The following ACOXL variants were observed in gnomAD, a reference collection of about 807,000 sequenced individuals.
ACOXL encodes the protein acyl-coenzyme A oxidase-like protein.
ACOXL carries 70 observed loss-of-function variants against 71.9 expected under a neutral mutation model. The observed-to-expected ratio is 0.97, with a 90% CI of 0.80 to 1.19. The LOEUF is 1.19. Among genes scored for constraint, ACOXL ranks in the 50% most tolerant of loss-of-function variants. The pLI is 0.00. For missense variants in ACOXL, 703 were observed against 736.3 expected (o/e 0.95, Z 0.52); for synonymous variants, 253 against 281.6 (o/e 0.90, Z 1.02).
At chr2:110,836,770 C>G (rs1046598115) in intron 9 of ACOXL, among the ~76,000 whole-genome samples, 1 of 152,204 alleles carries the variant, frequency 6.6e-6, no homozygotes, top group Non-Finnish European at 1.5e-5. Context: ...AAGCTTCCCA[C>G]AAGTATGGGA....
rs1477698915 is a variant in ACOXL, at chr2:110,846,589, C to T, written c.788+5184C>T. Among the ~76,000 whole-genome samples the T allele has an allele frequency of 3.4e-5, 5 of 149,080 alleles. No individual in the cohort carries two copies. In the East Asian group the frequency reaches 6.1e-4, roughly 18 times the overall value. ...AGCTCTCCTTTATTCAAATGAACAG[C>T]GTTCAGGGTGAGACCATCCTCCCGC... On this transcript the variant is annotated intron_variant, in intron 10 of 17. Transcript: ENST00000439055.
intron 16 of ACOXL, among the ~76,000 whole-genome samples, chr2:111,066,279 A>G (rs1050370240): frequency 6.6e-6 from 1 of 152,240 alleles, no homozygotes; most frequent in Non-Finnish European, 1.5e-5. Flanking sequence ...AAAAAATACC[A>G]AAAGGTTACA....
intron 14 of ACOXL, among the ~76,000 whole-genome samples, chr2:111,024,803 G>T (rs760084909): frequency 5.9e-5 from 9 of 151,738 alleles, no homozygotes; most frequent in Non-Finnish European, 8.8e-5. Flanking sequence ...GGCAAGGGAG[G>T]TTACATGTCT....
intron 10 of ACOXL, among the ~76,000 whole-genome samples, chr2:110,868,544 C>T (rs1694890101): frequency 6.6e-6 from 1 of 152,330 alleles, no homozygotes; most frequent in Non-Finnish European, 1.5e-5. Context: ...TTCTCTTCTT[C>T]TAGTACACAC....
At chr2:110,848,256 A>G (rs1692159656) in intron 10 of ACOXL, among the ~76,000 whole-genome samples, 1 of 152,134 alleles carries the variant, frequency 6.6e-6, no homozygotes, top group Non-Finnish European at 1.5e-5. Context: ...CTTCCAGGGA[A>G]TAGTTGTTTC....
chr2:111,095,696 T>C (rs2068766852), intron 17 of ACOXL, among the ~76,000 whole-genome samples: 1 of 152,156 alleles, frequency 6.6e-6, no homozygotes. Flanking sequence ...CGGACTGCTT[T>C]TGTATTCTTA....
intron 12 of ACOXL, among the ~76,000 whole-genome samples, chr2:110,948,783 C>T (rs1010029865): frequency 2.7e-5 from 4 of 149,806 alleles, no homozygotes; most frequent in South Asian, 2.1e-4. Context: ...AGGCGGGACT[C>T]GAAGCTCGTC....
intron 14 of ACOXL, among the ~76,000 whole-genome samples, chr2:111,018,249 AG>A (rs1443231186): frequency 6.6e-6 from 1 of 151,834 alleles, no homozygotes; most frequent in Non-Finnish European, 1.5e-5. Context: ...GCGGGGAGGG[AG>A]GAGGCACATA....
At chr2:111,114,267 C>A (rs2070189924) in intron 17 of ACOXL, 1 of 152,664 alleles carries the variant, frequency 6.6e-6, no homozygotes, top group African/African-American at 2.4e-5. Context: ...CTCTACGTGG[C>A]CTTTTGTCCT....
At chr2:110,780,231 A>G (rs756634923) in intron 2 of ACOXL, among the ~76,000 whole-genome samples, 1 of 152,252 alleles carries the variant, frequency 6.6e-6, no homozygotes, top group Non-Finnish European at 1.5e-5. Context: ...TCATCTGAGA[A>G]ATACATCTTT....
At chr2:111,068,213 G>A (rs1169771030) in intron 16 of ACOXL, among the ~76,000 whole-genome samples, 2 of 152,174 alleles carry the variant, frequency 1.3e-5, no homozygotes, top group African/African-American at 4.8e-5. Context: ...AAAGGTGTTG[G>A]AGGCTGAGGA....
intron 16 of ACOXL, among the ~76,000 whole-genome samples, chr2:111,063,265 A>C (rs1454271726): frequency 2.0e-5 from 3 of 152,186 alleles, no homozygotes; most frequent in African/African-American, 7.2e-5. Flanking sequence ...AACTTTTACC[A>C]ATTCATTTTT....
Position 110,870,907 on chromosome 2 carries a change from G to A in ACOXL, c.788+29502G>A, listed in dbSNP as rs74966739. ...GAGTTTTGGTTTGAATGAGGTCAAAGTAGTGGGCAGAATCAAGGGAGAGGT... is the reference window on the plus strand; with the variant it reads ...GAGTTTTGGTTTGAATGAGGTCAAAATAGTGGGCAGAATCAAGGGAGAGGT... On this transcript the variant is annotated intron_variant, in intron 10 of 17. Transcript: ENST00000439055. Among the ~76,000 whole-genome samples the A allele has an allele frequency of 2.6e-5, 4 of 152,256 alleles. No homozygotes were observed. The East Asian group carries it at 7.7e-4, about 29-fold the overall frequency.
intron 1 of ACOXL, among the ~76,000 whole-genome samples, chr2:110,741,866 G>A (rs1677585773): frequency 6.6e-6 from 1 of 152,220 alleles, no homozygotes; most frequent in Non-Finnish European, 1.5e-5. Context: ...GAGGGAGTTG[G>A]GGCAGGGGGT....
At chr2:111,058,015 T>A (rs34964918) in intron 16 of ACOXL, among the ~76,000 whole-genome samples, 12,292 of 152,204 alleles carry the variant, frequency 0.081, 616 homozygotes, top group Non-Finnish European at 0.11. Flanking sequence ...AATGATCTGT[T>A]CTCCATTTCC....
intron 1 of ACOXL, among the ~76,000 whole-genome samples, chr2:110,740,691 G>C (rs1375860130): frequency 6.6e-6 from 1 of 152,250 alleles, no homozygotes; most frequent in African/African-American, 2.4e-5. Context: ...CAGACCTCTA[G>C]ATAGGCAGTT....
intron 12 of ACOXL, among the ~76,000 whole-genome samples, chr2:110,980,266 A>C (rs2062645202): frequency 6.6e-6 from 1 of 152,240 alleles, no homozygotes; most frequent in African/African-American, 2.4e-5. Context: ...TGTTGTGGCT[A>C]CTAGAATAAG....
intron 10 of ACOXL, among the ~76,000 whole-genome samples, chr2:110,899,825 A>C (rs756971446): frequency 6.6e-6 from 1 of 152,166 alleles, no homozygotes; most frequent in Non-Finnish European, 1.5e-5. Context: ...CATTCTGAAA[A>C]GTAAATTAAT....
chr2:110,961,507 A>G (rs1358963314), intron 12 of ACOXL, among the ~76,000 whole-genome samples: 1 of 152,178 alleles, frequency 6.6e-6, no homozygotes, highest in Non-Finnish European at 1.5e-5. Flanking sequence ...TCAGAAAACA[A>G]CAAAGAGCCT....
Sources: allele counts gnomAD v4.1 joint callset (sites outside exome capture counted in the v4.1 genomes callset), GRCh38; gene constraint gnomAD v4.1.1; transcripts MANE v1.5; gene names NCBI Gene and HGNC (gene_info 2026-07-23, HGNC 2026-07-21).